Variants in DLG1 observed in about 807,000 individuals in gnomAD.
DLG1 encodes disks large homolog 1.
In DLG1, 42 loss-of-function variants were observed where a neutral mutation model predicts 123.4. The observed-to-expected ratio is 0.34, with a 90% CI of 0.27 to 0.44. The LOEUF is 0.44. DLG1 is among the 20% of genes least tolerant of loss of function. DLG1 has a pLI of 1.00. For missense variants in DLG1, 942 were observed against 1,082.6 expected, an observed-to-expected ratio of 0.87 and a Z score of 1.82; for synonymous variants, 317 against 356.2, an observed-to-expected ratio of 0.89 and a Z score of 1.24.
chr3:197,242,293 A>AT (rs1050248033), intron 4 of DLG1, among the ~76,000 whole-genome samples: 3 of 152,024 alleles, frequency 2.0e-5, no homozygotes, highest in African/African-American at 4.8e-5. Context: ...AAGTATATAT[A>AT]AAAAAATTAA....
chr3:197,250,711 T>C (rs1753965632), intron 4 of DLG1, among the ~76,000 whole-genome samples: 1 of 151,368 alleles, frequency 6.6e-6, no homozygotes, highest in Non-Finnish European at 1.5e-5. Flanking sequence ...TATAAAACAC[T>C]AACTAAAGAA....
intron 4 of DLG1, among the ~76,000 whole-genome samples, chr3:197,220,748 C>T (rs1280914227): frequency 6.6e-6 from 1 of 152,152 alleles, no homozygotes; most frequent in African/African-American, 2.4e-5. Flanking sequence ...CTGAAGAATA[C>T]TGTTTTTCCT....
chr3:197,242,321 A>G (rs552551430), intron 4 of DLG1, among the ~76,000 whole-genome samples: 105 of 152,242 alleles, frequency 6.9e-4, no homozygotes, highest in African/African-American at 2.3e-3. Flanking sequence ...AAGGGGATAG[A>G]CTGCAATACA....
At chr3:197,191,142 A>G (rs900475422) in intron 5 of DLG1, among the ~76,000 whole-genome samples, 3 of 152,340 alleles carry the variant, frequency 2.0e-5, no homozygotes, top group East Asian at 1.9e-4. Flanking sequence ...AATCAGCAAA[A>G]TGGGATTTCA....
intron 12 of DLG1, among the ~76,000 whole-genome samples, chr3:197,116,516 T>A (rs953499494): frequency 1.3e-5 from 2 of 152,152 alleles, no homozygotes; most frequent in African/African-American, 4.8e-5. Flanking sequence ...GGATGAACCA[T>A]AACCAACCTA....
At chr3:197,062,263 GC>G (rs975292936) in intron 22 of DLG1, among the ~76,000 whole-genome samples, 22 of 152,182 alleles carry the variant, frequency 1.4e-4, no homozygotes, top group Non-Finnish European at 2.6e-4. Context: ...CATCCAACAT[GC>G]CTGTTTTATA....
intron 11 of DLG1, among the ~76,000 whole-genome samples, chr3:197,119,736 G>T (rs1230325852): frequency 6.6e-6 from 1 of 152,096 alleles, no homozygotes; most frequent in Non-Finnish European, 1.5e-5. Context: ...TCCCACCTCA[G>T]CCTCCCAAAG....
chr3:197,051,515 G>A lies in DLG1; in HGVS notation c.2575+62C>T, dbSNP rs190114438. ...AGTTCAAAATCCACCTGAACGGGTCGGTTCACATGGCTTCAAAGCAAAATT... is the reference window on the plus strand; with the variant it reads ...AGTTCAAAATCCACCTGAACGGGTCAGTTCACATGGCTTCAAAGCAAAATT... On this transcript the variant is annotated intron_variant, in intron 24 of 24. Transcript: ENST00000667157. 14 of 1,308,542 alleles carry A rather than the reference G, an allele frequency of 1.1e-5. No individual in the cohort carries two copies. The East Asian group carries it at 1.4e-4, about 13-fold the overall frequency. The allele number at this position is 1,308,542 out of a possible 1,614,324, so 81.1% of individuals were successfully genotyped here.
At chr3:197,282,491 G>A (rs1333895567) in intron 4 of DLG1, 188 bp downstream of exon 4, 1 of 382,578 alleles carries the variant, frequency 2.6e-6, no homozygotes, top group Non-Finnish European at 4.5e-6. Context: ...TTAAAACAGG[G>A]GCAACAGAGA....
intron 3 of DLG1, among the ~76,000 whole-genome samples, chr3:197,283,859 G>GT (rs36055840): frequency 0.032 from 3,401 of 104,884 alleles, 156 homozygotes; most frequent in African/African-American, 0.085. Context: ...CAGTTGGGTT[G>GT]TTTTTTTTTT....
intron 14 of DLG1, among the ~76,000 whole-genome samples, chr3:197,102,410 T>C (rs1342164715): frequency 1.3e-5 from 2 of 152,248 alleles, no homozygotes; most frequent in Non-Finnish European, 2.9e-5. Flanking sequence ...TTAGGAAAGA[T>C]ACTAACTGCA....
At chr3:197,220,840 G>C (rs1736598263) in intron 4 of DLG1, among the ~76,000 whole-genome samples, 1 of 152,180 alleles carries the variant, frequency 6.6e-6, no homozygotes, top group South Asian at 2.1e-4. Flanking sequence ...TAAAGGTTTG[G>C]TAGCACAGAA....
chr3:197,135,162 A>G (rs1234466131), intron 10 of DLG1, among the ~76,000 whole-genome samples: 1 of 152,206 alleles, frequency 6.6e-6, no homozygotes, highest in Admixed American at 6.5e-5. Flanking sequence ...ACAGCCAAAT[A>G]ATACCTTAGC....
intron 14 of DLG1, among the ~76,000 whole-genome samples, chr3:197,093,965 A>G (rs1759232802): frequency 6.6e-6 from 1 of 152,208 alleles, no homozygotes; most frequent in African/African-American, 2.4e-5. Context: ...TCAAGGTCAG[A>G]TTAGAAGAGG....
intron 13 of DLG1, among the ~76,000 whole-genome samples, chr3:197,110,304 A>C (rs1769140960): frequency 6.6e-6 from 1 of 152,170 alleles, no homozygotes; most frequent in South Asian, 2.1e-4. Context: ...TTTTCATTTA[A>C]GTTACTGTAC....
intron 18 of DLG1, among the ~76,000 whole-genome samples, chr3:197,073,798 T>C (rs142880240): frequency 4.7e-4 from 72 of 152,122 alleles, no homozygotes; most frequent in African/African-American, 1.6e-3. Flanking sequence ...TTACAGCAGA[T>C]ATACATTTTT....
intron 3 of DLG1, among the ~76,000 whole-genome samples, chr3:197,284,622 A>C (rs1770926655): frequency 6.6e-6 from 1 of 152,210 alleles, no homozygotes; most frequent in Non-Finnish European, 1.5e-5. Flanking sequence ...ATACCAAAGA[A>C]TTGAAATCAC....
chr3:197,053,502 T>A (rs972689866), intron 23 of DLG1, among the ~76,000 whole-genome samples: 4 of 152,110 alleles, frequency 2.6e-5, no homozygotes, highest in African/African-American at 9.7e-5. Flanking sequence ...CAGGGCATGG[T>A]GGCTCAAGCC....
intron 13 of DLG1, among the ~76,000 whole-genome samples, chr3:197,114,908 A>T (rs1772267658): frequency 7.0e-6 from 1 of 142,866 alleles, no homozygotes; most frequent in Non-Finnish European, 1.5e-5. Context: ...TGAACCCGGG[A>T]GGCGGAGCTT....
Sources: allele counts gnomAD v4.1 joint callset (sites outside exome capture counted in the v4.1 genomes callset), GRCh38; gene constraint gnomAD v4.1.1; transcripts MANE v1.5; gene names NCBI Gene and HGNC (gene_info 2026-07-23, HGNC 2026-07-21).